STPG2: variants seen among roughly 807,000 people sequenced by gnomAD.
The protein encoded by STPG2 is sperm tail PG-rich repeat containing 2.
A neutral mutation model predicts 54.2 loss-of-function variants in STPG2; 56 were observed. The ratio of observed to expected loss-of-function variants is 1.03; its 90% CI spans 0.83 to 1.29. STPG2 has a LOEUF of 1.29. Ranked by LOEUF, STPG2 falls within the 50% of genes most tolerant of loss-of-function variation. The probability of loss-of-function intolerance (pLI) is 0.00; values close to 1 mark genes in which losing one functional copy is unlikely to be tolerated. For synonymous variants in STPG2, 200 were observed against 181.8 expected (o/e 1.10, Z -0.81); for missense variants, 596 against 544.9 (o/e 1.09, Z -0.93).
At chr4:97,567,139 A>G (rs1320862864) in intron 10 of STPG2, among the ~76,000 whole-genome samples, 1 of 151,698 alleles carries the variant, frequency 6.6e-6, no homozygotes, top group Non-Finnish European at 1.5e-5. Context: ...CACTATTTTT[A>G]TTGCCCCATA....
At chr4:97,744,399 G>A (rs776231946) in intron 9 of STPG2, among the ~76,000 whole-genome samples, 15 of 151,052 alleles carry the variant, frequency 9.9e-5, no homozygotes, top group Non-Finnish European at 2.1e-4. Context: ...GAATAGAAGT[G>A]TCTCATTACT....
At chr4:98,003,366 C>T (rs1408406336) in intron 5 of STPG2, among the ~76,000 whole-genome samples, 1 of 151,862 alleles carries the variant, frequency 6.6e-6, no homozygotes, top group African/African-American at 2.4e-5. Flanking sequence ...TTGGAATTGG[C>T]TTACAAATTA....
intron 9 of STPG2, among the ~76,000 whole-genome samples, chr4:97,766,490 G>A (rs1726057964): frequency 6.6e-6 from 1 of 151,982 alleles, no homozygotes. Context: ...ATCGTCTATT[G>A]CATGTGAGCC....
At chr4:97,856,675 G>A (rs1729347253) in intron 8 of STPG2, among the ~76,000 whole-genome samples, 1 of 152,110 alleles carries the variant, frequency 6.6e-6, no homozygotes, top group Non-Finnish European at 1.5e-5. Flanking sequence ...TGATTGCCCT[G>A]GCCGGAATTT....
chr4:97,692,810 A>C (rs1248705266), intron 10 of STPG2, among the ~76,000 whole-genome samples: 3 of 152,196 alleles, frequency 2.0e-5, no homozygotes, highest in Non-Finnish European at 4.4e-5. Context: ...GCATCAGGTA[A>C]CCTAAAAAAG....
intron 9 of STPG2, among the ~76,000 whole-genome samples, chr4:97,756,136 T>C (rs2149049211): frequency 6.6e-6 from 1 of 152,236 alleles, no homozygotes; most frequent in African/African-American, 2.4e-5. Flanking sequence ...CTAGAATTAT[T>C]CCAAATTTTT....
At chr4:97,649,659 T>C (rs1722009813) in intron 10 of STPG2, among the ~76,000 whole-genome samples, 1 of 152,088 alleles carries the variant, frequency 6.6e-6, no homozygotes. Context: ...CAGATCACTG[T>C]CTTGAGATAG....
chr4:97,875,190 T>C (rs1730131462), intron 8 of STPG2, among the ~76,000 whole-genome samples: 1 of 152,008 alleles, frequency 6.6e-6, no homozygotes, highest in Non-Finnish European at 1.5e-5. Context: ...TTTGCTTTCA[T>C]TTCCCTTGAA....
At chr4:97,511,449 A>C (rs181148642) in intron 4 of STPG2, among the ~76,000 whole-genome samples, 1 of 152,096 alleles carries the variant, frequency 6.6e-6, no homozygotes, top group Admixed American at 6.6e-5. Context: ...ATAAGTTCCA[A>C]AATATATAAA....
intron 10 of STPG2, among the ~76,000 whole-genome samples, chr4:97,575,899 T>C (rs1017418485): frequency 6.6e-6 from 1 of 152,148 alleles, no homozygotes; most frequent in Non-Finnish European, 1.5e-5. Context: ...CTAGAACTGA[T>C]GAATAACTTC....
At chr4:97,757,657 C>T (rs1725771501) in intron 9 of STPG2, among the ~76,000 whole-genome samples, 1 of 152,112 alleles carries the variant, frequency 6.6e-6, no homozygotes, top group Non-Finnish European at 1.5e-5. Flanking sequence ...ACACTAAAAC[C>T]TCCACTAGCT....
In STPG2 at chr4:97,977,285, C is replaced by T. The variant is rs1422766317; in HGVS notation, c.772+3874G>A. ...AAGGAAAACAGCTATAGCTAAACTG[C>T]TATAACTAATCAAATTGCTATAACT... is the stretch of plus-strand genomic sequence containing the variant. On this transcript the variant is annotated intron_variant, in intron 6 of 10. Transcript: ENST00000295268. Among the ~76,000 whole-genome samples, 7 of 152,212 alleles carry T rather than the reference C, an allele frequency of 4.6e-5. No individual in the cohort carries two copies. In the East Asian group the frequency reaches 1.2e-3, roughly 25 times the overall value.
intron 8 of STPG2, among the ~76,000 whole-genome samples, chr4:97,877,079 T>G (rs1730203093): frequency 6.6e-6 from 1 of 152,214 alleles, no homozygotes; most frequent in Non-Finnish European, 1.5e-5. Flanking sequence ...CTTAACAATT[T>G]ATCATGTTTT....
At chr4:97,812,690 G>T (rs1302792281) in intron 9 of STPG2, among the ~76,000 whole-genome samples, 3 of 152,074 alleles carry the variant, frequency 2.0e-5, no homozygotes, top group Non-Finnish European at 4.4e-5. Context: ...TGCCCCAGTA[G>T]CTTAGTTCTA....
At chr4:97,659,886 G>A (rs1722325128) in intron 10 of STPG2, among the ~76,000 whole-genome samples, 1 of 152,188 alleles carries the variant, frequency 6.6e-6, no homozygotes. Context: ...ACTTGGGACA[G>A]AGTACATCCA....
rs1055351139 is a variant in STPG2, at chr4:98,026,208, G to A, written c.613-44890C>T. 46 of 1,184,078 alleles carry A rather than the reference G, an allele frequency of 3.9e-5. 1 individual carries two copies. The highest frequency in any genetic ancestry group is 1.4e-4 in the South Asian group (11 of 81,078). The allele number at this position is 1,184,078 out of a possible 1,614,324, so 73.3% of individuals were successfully genotyped here. A position where few individuals can be genotyped will look rare whatever the true frequency, so the allele number is the denominator to read the frequency against. On this transcript the variant is annotated intron_variant, in intron 5 of 10. Transcript: ENST00000295268. ...ATGTCCCTTGCTCAGAAGAAAGATC[G>A]GGTAGCTCAAAAGAAAGCAAGCCCC... is the stretch of plus-strand genomic sequence containing the variant.
chr4:97,498,964 A>T (rs570165885), intron 4 of STPG2, among the ~76,000 whole-genome samples: 1 of 152,016 alleles, frequency 6.6e-6, no homozygotes, highest in Non-Finnish European at 1.5e-5. Flanking sequence ...GCCTTGCCCC[A>T]TCTCTCAAGA....
chr4:97,460,146 T>C (rs1578316648), intron 4 of STPG2, among the ~76,000 whole-genome samples: 1 of 152,144 alleles, frequency 6.6e-6, no homozygotes, highest in East Asian at 1.9e-4. Context: ...CCCCCACTAG[T>C]ACAACCACCC....
chr4:97,476,584 A>T (rs1423124166), intron 4 of STPG2, among the ~76,000 whole-genome samples: 2 of 152,206 alleles, frequency 1.3e-5, no homozygotes, highest in Non-Finnish European at 2.9e-5. Flanking sequence ...CACTGTATCC[A>T]TCCAGATTTT....
Sources: allele counts gnomAD v4.1 joint callset (sites outside exome capture counted in the v4.1 genomes callset), GRCh38; gene constraint gnomAD v4.1.1; transcripts MANE v1.5; gene names NCBI Gene and HGNC (gene_info 2026-07-23, HGNC 2026-07-21).